PTGIR: variants seen among roughly 807,000 people sequenced by gnomAD.
PTGIR encodes the protein prostacyclin receptor.
Under a neutral mutation model 17.6 loss-of-function variants are expected in PTGIR, and 16 were observed. That is an observed-to-expected ratio of 0.91 (90% CI 0.61 to 1.38). The LOEUF (loss-of-function observed/expected upper bound fraction) is 1.38. PTGIR is among the 40% of genes most tolerant of loss of function. The pLI, the probability that PTGIR is intolerant of heterozygous loss-of-function variation, is 0.00. For missense variants in PTGIR, 532 were observed against 548.6 expected, an observed-to-expected ratio of 0.97 and a Z score of 0.30; for synonymous variants, 274 against 255.4, an observed-to-expected ratio of 1.07 and a Z score of -0.69.
chr19:46,618,159 C>T (rs1207772122), downstream of PTGIR, among the ~76,000 whole-genome samples: 3 of 151,894 alleles, frequency 2.0e-5, no homozygotes, highest in African/African-American at 2.4e-5. Context: ...GGACTACAGG[C>T]GCCCGCCACC....
intron 2 of PTGIR, chr19:46,622,343 C>T: frequency 2.0e-6 from 2 of 984,746 alleles, no homozygotes; most frequent in South Asian, 9.4e-5. Flanking sequence ...GGACCAGGAC[C>T]TGGCTCTGTG....
At chr19:46,611,765 TG>T in the PTGIR span, among the ~76,000 whole-genome samples, 1 of 152,130 alleles carries the variant, frequency 6.6e-6, no homozygotes, top group Non-Finnish European at 1.5e-5. Context: ...AGTGGAGGGA[TG>T]GGTCAGAATC....
chr19:46,619,543 AAGAAAGAGAGAGAGAGAGAGAGAGAG>A (rs1294275770), downstream of PTGIR, among the ~76,000 whole-genome samples: 1 of 68,658 alleles, frequency 1.5e-5, no homozygotes, highest in Non-Finnish European at 3.1e-5. Context: ...GAAAGAAAGA[AAGAAAGAGAGAGAGAGAGAGAGAGAG>A]AGAGAGAGAG....
At chr19:46,622,157 G>GCACGACCAGGTGT (rs1164017643) in intron 2 of PTGIR, 4 of 985,068 alleles carry the variant, frequency 4.1e-6, no homozygotes, top group Admixed American at 1.2e-4. Context: ...AAGAAAGGTG[G>GCACGACCAGGTGT]CACGACCAGG....
chr19:46,619,314 G>A (rs181383459), downstream of PTGIR, among the ~76,000 whole-genome samples: 81 of 151,800 alleles, frequency 5.3e-4, no homozygotes, highest in African/African-American at 1.6e-3. Flanking sequence ...CCAACGTGAC[G>A]AAACCCCGTC....
the PTGIR span, among the ~76,000 whole-genome samples, chr19:46,612,866 C>T: frequency 3.7e-4 from 57 of 152,186 alleles, 3 homozygotes; most frequent in South Asian, 0.012. Context: ...AGTGAGTCTT[C>T]GTGCTCACTA....
chr19:46,623,160 T>G, intron 2 of PTGIR: 1 of 223,874 alleles, frequency 4.5e-6, no homozygotes. Flanking sequence ...TTTTATTTAT[T>G]TATTTGTTGT....
At chr19:46,614,379 C>T in the PTGIR span, 3 of 985,236 alleles carry the variant, frequency 3.0e-6, no homozygotes, top group Non-Finnish European at 3.6e-6. Flanking sequence ...TCTGTGTGCG[C>T]CGGTGTTTAA....
At chr19:46,619,356 G>A (rs1972005821), downstream of PTGIR, among the ~76,000 whole-genome samples, 2 of 151,704 alleles carry the variant, frequency 1.3e-5, no homozygotes, top group South Asian at 4.2e-4. Flanking sequence ...TTAGCCAGAG[G>A]TGGTGGTGCA....
rs201704818 is a variant in PTGIR, at chr19:46,623,955, G to A, written c.271C>T (p.Leu91=). Reference sequence around the variant, plus strand: ...ATGGCGAAGGCGAAGGCATCGCACAGGGCGGGGCCGCCTCGGGCCAGGCCC... The same window carrying A: ...ATGGCGAAGGCGAAGGCATCGCACAAGGCGGGGCCGCCTCGGGCCAGGCCC... The part of the protein sequence containing the change: ...LLGLARGGPA[L]CDAFAFAMTF... The change falls in exon 2 of 3, where the codon CTG becomes TTG. Residue 91 remains leucine, a synonymous_variant. Coordinates refer to ENST00000291294, the MANE Select transcript of PTGIR (RefSeq NM_000960.4). 169 of 1,586,428 alleles carry A rather than the reference G, an allele frequency of 1.1e-4. 2 individuals are homozygous for A. The African/African-American group carries it at 2.1e-3, about 20-fold the overall frequency.
downstream of PTGIR, among the ~76,000 whole-genome samples, chr19:46,615,775 G>T (rs80012672): frequency 6.6e-6 from 1 of 150,976 alleles, no homozygotes; most frequent in Non-Finnish European, 1.5e-5. Context: ...CAAAGTGCTG[G>T]GATTACAGGA....
chr19:46,617,461 T>C (rs1971978862), downstream of PTGIR, among the ~76,000 whole-genome samples: 2 of 151,726 alleles, frequency 1.3e-5, no homozygotes, highest in South Asian at 4.2e-4. Flanking sequence ...CAGCAAACAG[T>C]GAGATGTCAG....
At chr19:46,618,643 C>T (rs539680274), downstream of PTGIR, among the ~76,000 whole-genome samples, 1 of 152,210 alleles carries the variant, frequency 6.6e-6, no homozygotes, top group African/African-American at 2.4e-5. Context: ...CAGTAAGATA[C>T]ACATAACATA....
chr19:46,619,615 AAG>A (rs1227492495), downstream of PTGIR, among the ~76,000 whole-genome samples: 3 of 131,342 alleles, frequency 2.3e-5, no homozygotes, highest in Admixed American at 7.4e-5. Flanking sequence ...GAAAGAAAGA[AAG>A]AAAGAAAGAA....
chr19:46,623,396 G>A lies in PTGIR; in HGVS notation c.768+62C>T, dbSNP rs1450137740. On this transcript the variant is annotated intron_variant, in intron 2 of 2. Coordinates refer to ENST00000291294, the MANE Select transcript of PTGIR (RefSeq NM_000960.4). ...CTCAGTCTCCCCATCTGTGACATGG[G>A]CACAACCCACAGAGCTGCCCTCCTC... The A allele has an allele frequency of 3.5e-6, 5 of 1,446,962 alleles. No individual in the cohort carries two copies. The South Asian group carries it at 7.3e-5, about 21-fold the overall frequency. The allele number at this position is 1,446,962 out of a possible 1,614,324, so 89.6% of individuals were successfully genotyped here.
In PTGIR at chr19:46,623,332, G is replaced by A. The variant is rs182018073; in HGVS notation, c.768+126C>T. The stretch of plus-strand genomic sequence containing the variant: ...CTTTCTACATGCTGGGATTACAGGC[G>A]TGAGCCACCATGCCCACGATGTCTC... On this transcript the variant is annotated intron_variant, in intron 2 of 2. Coordinates refer to ENST00000291294, the MANE Select transcript of PTGIR (RefSeq NM_000960.4). The A allele has an allele frequency of 1.1e-3, 1,256 of 1,187,936 alleles. 2 individuals carry two copies. Among genetic ancestry groups the A allele is most frequent in the Non-Finnish European group, 1.1e-3 (984 of 881,658 alleles). The allele number at this position is 1,187,936 out of a possible 1,614,324, so 73.6% of individuals were successfully genotyped here. A position where few individuals can be genotyped will look rare whatever the true frequency, so the allele number is the denominator to read the frequency against.
At chr19:46,622,484 T>A in intron 2 of PTGIR, 1 of 804,412 alleles carries the variant, frequency 1.2e-6, no homozygotes, top group Non-Finnish European at 1.5e-6. Flanking sequence ...GAAGTATCTG[T>A]AAGCCACTAA....
At position 46,620,579 on chromosome 19, in the gene PTGIR, C is replaced by A. The variant is rs201124381; in HGVS notation, c.*701G>T. Reference sequence around the variant, plus strand: ...ATCCGCAGCCCCCACCCTTCATCTGCCAGCTTCTCCATCTGTCTCCCCACC... The same window carrying A: ...ATCCGCAGCCCCCACCCTTCATCTGACAGCTTCTCCATCTGTCTCCCCACC... On this transcript the variant is annotated 3_prime_UTR_variant, in exon 3 of 3. Coordinates refer to ENST00000291294, the MANE Select transcript of PTGIR (RefSeq NM_000960.4). The A allele has an allele frequency of 4.1e-4, 407 of 985,160 alleles. No homozygotes were observed. The highest frequency in any genetic ancestry group is 4.8e-4 in the Non-Finnish European group (401 of 830,022). 61.0% of individuals were successfully genotyped at this position (985,160 alleles called of 1,614,324 possible). A position where few individuals can be genotyped will look rare whatever the true frequency, so the allele number is the denominator to read the frequency against.
chr19:46,611,631 G>A, the PTGIR span, among the ~76,000 whole-genome samples: 124 of 152,304 alleles, frequency 8.1e-4, no homozygotes, highest in African/African-American at 2.7e-3. Context: ...CCTCAACAGC[G>A]CCCAGTGGCA....
Sources: allele counts gnomAD v4.1 joint callset (sites outside exome capture counted in the v4.1 genomes callset), GRCh38; gene constraint gnomAD v4.1.1; transcripts MANE v1.5; gene names NCBI Gene and HGNC (gene_info 2026-07-23, HGNC 2026-07-21).